Variants in PES1 observed in about 807,000 individuals in gnomAD.
The protein encoded by PES1 is pescadillo ribosomal biogenesis factor 1.
A neutral mutation model predicts 77.1 loss-of-function variants in PES1; 31 were observed. The ratio of observed to expected loss-of-function variants is 0.40; its 90% CI spans 0.30 to 0.54. The LOEUF (loss-of-function observed/expected upper bound fraction) is 0.54, where lower values mean the gene tolerates loss of function less well. Ranked by LOEUF, PES1 falls within the 20% of genes least tolerant of loss-of-function variation. The probability of loss-of-function intolerance (pLI) is 0.45; values close to 1 mark genes in which losing one functional copy is unlikely to be tolerated. For synonymous variants in PES1, 282 were observed against 303.0 expected, an observed-to-expected ratio of 0.93 and a Z score of 0.72; for missense variants, 658 against 771.7, an observed-to-expected ratio of 0.85 and a Z score of 1.75.
chr22:30,594,776 C>A (rs188660606), upstream of PES1, among the ~76,000 whole-genome samples: 1 of 152,094 alleles, frequency 6.6e-6, no homozygotes, highest in African/African-American at 2.4e-5. Flanking sequence ...TGAAAGCAGC[C>A]TGGACAACAT....
chr22:30,589,114 C>G, intron 2 of PES1, 77 bp downstream of exon 2: 1 of 1,066,582 alleles, frequency 9.4e-7, no homozygotes, highest in South Asian at 1.4e-5. Flanking sequence ...TATGGCAACT[C>G]AGGTAAGACA....
chr22:30,587,970 G>C (rs745957356), intron 3 of PES1, 51 bp downstream of exon 3: 1 of 1,580,878 alleles, frequency 6.3e-7, no homozygotes, highest in Non-Finnish European at 8.7e-7. Flanking sequence ...TTAGTTAGTG[G>C]GTCACAGAGC....
At chr22:30,581,791 G>A (rs1324275113) in intron 6 of PES1, 147 bp from the exon 7 acceptor site, 1 of 647,288 alleles carries the variant, frequency 1.5e-6, no homozygotes, top group Non-Finnish European at 2.8e-6. Context: ...GCTGCCCTAG[G>A]GAAGGGGTGG....
intron 14 of PES1, among the ~76,000 whole-genome samples, chr22:30,577,648 G>T (rs2086921688): frequency 1.3e-5 from 2 of 152,026 alleles, no homozygotes; most frequent in African/African-American, 4.8e-5. Context: ...GCACCACCAT[G>T]CGTAGCCCTT....
chr22:30,597,984 C>T (rs1458111133), intron 2 of PES1, among the ~76,000 whole-genome samples: 1 of 150,602 alleles, frequency 6.6e-6, no homozygotes, highest in East Asian at 2.0e-4. Context: ...CCCGGGTTCA[C>T]GCCATTCTCC....
At chr22:30,598,912 T>TTTTTTTTTTTTTTTTTTTTA (rs761643665) in intron 2 of PES1, among the ~76,000 whole-genome samples, 1 of 116,414 alleles carries the variant, frequency 8.6e-6, no homozygotes, top group African/African-American at 3.4e-5. Flanking sequence ...TTTTTTTTTT[T>TTTTTTTTTTTTTTTTTTTTA]TTGAGATGGA....
In PES1 at chr22:30,579,940, C is replaced by T. The variant is rs768363689; in HGVS notation, c.1170-5G>A. ...CACTGGGGCTGCACGTAGCACCTGG[C>T]GCAGAGTGGCAGGCAAAAACGAGTC... On this transcript the variant is annotated splice_region_variant and splice_polypyrimidine_tract_variant and intron_variant, in intron 11 of 14. Coordinates refer to ENST00000354694, the MANE Select transcript of PES1 (RefSeq NM_014303.4). 1.7e-5 allele frequency: 27 copies of T among 1,612,468 alleles called. No homozygotes were observed. The highest frequency in any genetic ancestry group is 1.6e-4 in the Middle Eastern group (1 of 6,076).
intron 6 of PES1, among the ~76,000 whole-genome samples, chr22:30,584,065 G>A (rs906867139): frequency 3.3e-5 from 5 of 152,232 alleles, no homozygotes; most frequent in African/African-American, 7.2e-5. Context: ...CTGTTTATTC[G>A]GCCCTAAAAG....
upstream of PES1, chr22:30,592,234 C>G: frequency 9.8e-7 from 1 of 1,019,248 alleles, no homozygotes; most frequent in Non-Finnish European, 1.2e-6. Flanking sequence ...AGAGGGGCGC[C>G]GCACTCCATG....
chr22:30,581,226 C>G (rs994364270), intron 8 of PES1, 108 bp downstream of exon 8: 1 of 1,374,206 alleles, frequency 7.3e-7, no homozygotes, highest in Non-Finnish European at 1.0e-6. Context: ...AGGCTGAGAC[C>G]ACCCACCTAG....
At chr22:30,599,462 C>G (rs182965838) in intron 2 of PES1, among the ~76,000 whole-genome samples, 1 of 151,980 alleles carries the variant, frequency 6.6e-6, no homozygotes. Context: ...TAGGAAACAG[C>G]GAAATCTTCC....
At chr22:30,584,521 G>A in intron 5 of PES1, 25 bp downstream of exon 5, 2 of 1,608,656 alleles carry the variant, frequency 1.2e-6, no homozygotes, top group Non-Finnish European at 1.7e-6. Context: ...AGGGTGGGAT[G>A]CCAGCCGGGC....
rs527585298 is a variant in PES1 at position 30,601,604 on chromosome 22, G to A, written c.-661+3857C>T. Among the ~76,000 whole-genome samples the A allele has an allele frequency of 7.9e-5, 12 of 152,088 alleles. 1 individual carries two copies. The East Asian group carries it at 2.3e-3, about 29-fold the overall frequency. On this transcript the variant is annotated intron_variant, in intron 2 of 16. Transcript: ENST00000402281. ...GCTGGGATTACAGGCGTAAGCCACT[G>A]CGCCCAGCCTCATTCATGTCTTTTT...
rs149880988 is a variant in PES1, at chr22:30,582,602, G to A, written c.631-958C>T. ...CCAGCCCATTTGGCCCCCAGGACGC[G>A]GCAGGATGTTCCGAGCAACGTGAAA... On this transcript the variant is annotated intron_variant, in intron 6 of 14. Transcript: ENST00000354694. Among the ~76,000 whole-genome samples the A allele has an allele frequency of 4.4e-4, 67 of 152,250 alleles. No homozygotes were observed. The East Asian group carries it at 0.011, about 26-fold the overall frequency.
At chr22:30,603,506 C>G (rs2087390377) in intron 2 of PES1, among the ~76,000 whole-genome samples, 1 of 152,060 alleles carries the variant, frequency 6.6e-6, no homozygotes, top group Non-Finnish European at 1.5e-5. Context: ...CTCAACCTCC[C>G]AAGTAGCTGG....
At chr22:30,599,849 G>C (rs1056768920) in intron 2 of PES1, among the ~76,000 whole-genome samples, 1 of 152,104 alleles carries the variant, frequency 6.6e-6, no homozygotes, top group Admixed American at 6.6e-5. Flanking sequence ...GCGGTGAGCC[G>C]AGATTGAGCC....
rs142736136 is a variant in PES1, at chr22:30,586,510, T to C, written c.368+776A>G. Among the ~76,000 whole-genome samples, 3 of 152,346 alleles carry C rather than the reference T, an allele frequency of 2.0e-5. No homozygotes were observed. In the East Asian group the frequency reaches 5.8e-4, roughly 29 times the overall value. On this transcript the variant is annotated intron_variant, in intron 4 of 14. Coordinates refer to ENST00000354694, the MANE Select transcript of PES1 (RefSeq NM_014303.4). Reference sequence around the variant, plus strand: ...CCACTACTGACATTCCGGGTCAGACTATTCTATGTTGTGGGGGACTACTAT... The same window carrying C: ...CCACTACTGACATTCCGGGTCAGACCATTCTATGTTGTGGGGGACTACTAT...
Position 30,581,364 on chromosome 22 carries a change from G to A in PES1, c.792C>T (p.Thr264=). 1.9e-6 allele frequency: 3 copies of A among 1,613,868 alleles called. No homozygotes were observed. Among genetic ancestry groups the A allele is most frequent in the South Asian group, 1.1e-5 (1 of 91,088 alleles). Reference sequence around the variant, plus strand: ...TACAACTCTCGGAGTCCAACGCGTAGGTGCCCTCACCGGCCTTTGCCTCTG... The same window carrying A: ...TACAACTCTCGGAGTCCAACGCGTAAGTGCCCTCACCGGCCTTTGCCTCTG... ...AQAEAKAGEG[T]YALDSESCME... is the part of the protein sequence containing the mutation. The change falls in exon 8 of 15, where the codon ACC becomes ACT. Residue 264 remains threonine (T), a synonymous_variant. Transcript: ENST00000354694.
chr22:30,603,700 A>AT (rs1244963275), intron 2 of PES1: 1 of 152,208 alleles, frequency 6.6e-6, no homozygotes, highest in Non-Finnish European at 1.5e-5. Context: ...TGATTTTAAT[A>AT]TATATACACT....
Sources: allele counts gnomAD v4.1 joint callset (sites outside exome capture counted in the v4.1 genomes callset), GRCh38; gene constraint gnomAD v4.1.1; transcripts MANE v1.5; gene names NCBI Gene and HGNC (gene_info 2026-07-23, HGNC 2026-07-21).